MSH3: variants seen among roughly 807,000 people sequenced by gnomAD.
The protein encoded by MSH3 is DNA mismatch repair protein Msh3.
Under a neutral mutation model 123.3 loss-of-function variants are expected in MSH3, and 106 were observed. The ratio of observed to expected loss-of-function variants is 0.86; its 90% CI spans 0.73 to 1.01. MSH3 has a LOEUF of 1.01. Ranked by LOEUF, MSH3 falls within the 50% of genes least tolerant of loss-of-function variation. MSH3 has a pLI of 0.00. For synonymous variants in MSH3, 515 were observed against 481.4 expected (o/e 1.07, Z -0.91); for missense variants, 1,459 against 1,347.6 (o/e 1.08, Z -1.29).
chr5:80,788,512 T>C (rs1320530734), intron 18 of MSH3, among the ~76,000 whole-genome samples: 1 of 151,946 alleles, frequency 6.6e-6, no homozygotes, highest in African/African-American at 2.4e-5. Flanking sequence ...ATTTTATATA[T>C]ACTTAAGAAA....
chr5:80,760,583 C>T (rs539096453), intron 12 of MSH3, among the ~76,000 whole-genome samples: 25 of 152,248 alleles, frequency 1.6e-4, no homozygotes, highest in South Asian at 4.1e-4. Flanking sequence ...ACCACTAGGT[C>T]GTCTTGTTGG....
At chr5:80,720,510 T>G (rs245018) in intron 8 of MSH3, among the ~76,000 whole-genome samples, 9 of 152,186 alleles carry the variant, frequency 5.9e-5, no homozygotes, top group Non-Finnish European at 1.3e-4. Flanking sequence ...CTGTAGTATT[T>G]ATTCAGTTGT....
chr5:80,762,835 T>TTATGTTATG (rs1250624075), intron 13 of MSH3, among the ~76,000 whole-genome samples: 53 of 88,914 alleles, frequency 6.0e-4, no homozygotes, highest in African/African-American at 2.2e-3. Flanking sequence ...GTTATGTTAT[T>TTATGTTATG]TTATGTTATT....
intron 19 of MSH3, among the ~76,000 whole-genome samples, chr5:80,800,631 A>G (rs572419280): frequency 5.3e-5 from 8 of 152,272 alleles, no homozygotes; most frequent in African/African-American, 1.9e-4. Context: ...TTCTTGACAG[A>G]TTTTTATAGA....
At chr5:80,787,069 T>G (rs1744521983) in intron 17 of MSH3, among the ~76,000 whole-genome samples, 1 of 116,312 alleles carries the variant, frequency 8.6e-6, no homozygotes, top group East Asian at 2.9e-4. Flanking sequence ...AAACTAGATG[T>G]TAGGTCTACA....
chr5:80,835,965 TAAC>T (rs1228342081), intron 20 of MSH3, among the ~76,000 whole-genome samples: 2 of 152,170 alleles, frequency 1.3e-5, no homozygotes, highest in Admixed American at 6.5e-5. Flanking sequence ...CAGTCTTTAA[TAAC>T]AACAACCAGT....
chr5:80,784,511 G>C (rs1201870807), intron 17 of MSH3, among the ~76,000 whole-genome samples: 1 of 152,114 alleles, frequency 6.6e-6, no homozygotes, highest in Non-Finnish European at 1.5e-5. Flanking sequence ...ATATCACGGA[G>C]AATGGGGTAT....
chr5:80,722,533 G>A (rs1414447891), intron 8 of MSH3, among the ~76,000 whole-genome samples: 1 of 152,162 alleles, frequency 6.6e-6, no homozygotes, highest in East Asian at 1.9e-4. Context: ...GTATAGGTCA[G>A]TGGTTCTTTA....
chr5:80,755,214 C>T (rs192666250), intron 12 of MSH3, among the ~76,000 whole-genome samples: 177 of 152,252 alleles, frequency 1.2e-3, no homozygotes, highest in African/African-American at 3.9e-3. Flanking sequence ...AAAATGAACC[C>T]GAGTGCCTCT....
At chr5:80,726,696 T>C (rs1224430476) in intron 9 of MSH3, among the ~76,000 whole-genome samples, 1 of 152,166 alleles carries the variant, frequency 6.6e-6, no homozygotes, top group Non-Finnish European at 1.5e-5. Flanking sequence ...CTTGAACTCC[T>C]GGGCTCAAAC....
In MSH3 at chr5:80,836,125, A is replaced by T. The variant is rs1042542844; in HGVS notation, c.2814-18005A>T. ...ATAAACTCAGCAATACTGTACAAGGATATCGTAATCTATATGGAAGCACAA... is the reference window on the plus strand; with the variant it reads ...ATAAACTCAGCAATACTGTACAAGGTTATCGTAATCTATATGGAAGCACAA... On this transcript the variant is annotated intron_variant, in intron 20 of 23. Transcript: ENST00000265081. Among the ~76,000 whole-genome samples the T allele has an allele frequency of 3.9e-5, 6 of 152,180 alleles. No homozygotes were observed. The East Asian group carries it at 1.2e-3, about 29-fold the overall frequency.
intron 22 of MSH3, among the ~76,000 whole-genome samples, chr5:80,867,022 C>T (rs1746112069): frequency 6.6e-6 from 1 of 152,154 alleles, no homozygotes; most frequent in Non-Finnish European, 1.5e-5. Context: ...GCCCTTTGTC[C>T]TCCTGCTCAT....
intron 8 of MSH3, among the ~76,000 whole-genome samples, chr5:80,699,014 C>A (rs1443539799): frequency 6.6e-6 from 1 of 151,790 alleles, no homozygotes; most frequent in Admixed American, 6.6e-5. Flanking sequence ...AGTGAGAAAG[C>A]GGCATTACAC....
In MSH3 at chr5:80,768,003, T is replaced by C; in HGVS notation, c.1967T>C (p.Ile656Thr). ...YHLKSEFQAIIPAVNSHIQSD... is the reference protein window; with the variant it reads ...YHLKSEFQAITPAVNSHIQSD... ...CTAAAGTCAGAATTTCAAGCAATAA[T>C]ACCTGCTGTTAATTCCCACATTCAG... The change falls in exon 14 of 24, where the codon ATA (isoleucine) becomes ACA (threonine). Residue 656 changes from isoleucine to threonine, a missense_variant. By Grantham distance (89) the Ile-to-Thr change is moderately conservative. Coordinates refer to ENST00000265081, the MANE Select transcript of MSH3 (RefSeq NM_002439.5). 1.2e-6 allele frequency: 2 copies of C among 1,613,596 alleles called. No homozygotes were observed. Among genetic ancestry groups the C allele is most frequent in the Non-Finnish European group, 1.7e-6 (2 of 1,179,576 alleles).
intron 20 of MSH3, among the ~76,000 whole-genome samples, chr5:80,842,315 A>G (rs199668357): frequency 1.3e-5 from 2 of 151,836 alleles, no homozygotes; most frequent in Non-Finnish European, 2.9e-5. Context: ...TAGCCTTGTA[A>G]TAAAGTTTGA....
At chr5:80,758,852 G>A (rs760793933) in intron 12 of MSH3, among the ~76,000 whole-genome samples, 5 of 152,024 alleles carry the variant, frequency 3.3e-5, no homozygotes, top group Admixed American at 1.3e-4. Flanking sequence ...ATTTGTGTAG[G>A]CTGTCTTATA....
intron 8 of MSH3, among the ~76,000 whole-genome samples, chr5:80,713,933 G>A (rs974155489): frequency 6.6e-6 from 1 of 151,952 alleles, no homozygotes; most frequent in African/African-American, 2.4e-5. Flanking sequence ...CTCTGATGCC[G>A]GTGTCCCACA....
At position 80,691,882 on chromosome 5, in the gene MSH3, T is replaced by C. The variant is rs543405134; in HGVS notation, c.1340+12789T>C. On this transcript the variant is annotated intron_variant, in intron 8 of 23. Transcript: ENST00000265081. The stretch of plus-strand genomic sequence containing the variant: ...AGCTAAACATGTATGTTTATATAGA[T>C]AAACGTGTATATGTTTATATAGATA... 7.6e-5 allele frequency among the ~76,000 whole-genome samples: 11 copies of C among 145,372 alleles called. 1 individual carries two copies. The highest frequency in any genetic ancestry group is 2.1e-4 in the Admixed American group (3 of 14,176).
At chr5:80,758,868 A>G (rs1743979659) in intron 12 of MSH3, among the ~76,000 whole-genome samples, 1 of 152,166 alleles carries the variant, frequency 6.6e-6, no homozygotes, top group African/African-American at 2.4e-5. Flanking sequence ...TTATATGTTC[A>G]CAGATGGCAT....
Sources: gnomAD v4.1 joint callset for allele counts (sites outside exome capture counted in the v4.1 genomes callset) on GRCh38, gnomAD v4.1.1 for gene constraint, MANE v1.5 for transcripts, NCBI Gene and HGNC (gene_info 2026-07-23, HGNC 2026-07-21) for gene names.